Variants in ZMAT4 observed in about 807,000 individuals in gnomAD.
ZMAT4 encodes zinc finger matrin-type 4.
ZMAT4 carries 17 observed loss-of-function variants against 28.7 expected under a neutral mutation model. The observed-to-expected ratio is 0.59, with a 90% CI of 0.41 to 0.89. The LOEUF is 0.89. Among genes scored for constraint, ZMAT4 ranks in the 40% least tolerant of loss-of-function variants. The probability of loss-of-function intolerance (pLI) is 0.00; values close to 1 mark genes in which losing one functional copy is unlikely to be tolerated. For missense variants in ZMAT4, 240 were observed against 283.8 expected (o/e 0.85, Z 1.11); for synonymous variants, 117 against 109.2 (o/e 1.07, Z -0.44).
In ZMAT4 at chr8:40,855,551, C is replaced by T. The variant is rs1003827582; in HGVS notation, c.-4-29871G>A. The stretch of plus-strand genomic sequence containing the variant: ...AAACCAGGTCTCATGGAAACTGGGG[C>T]ATTTTCCCAAGCAGAATTGACCAGT... On this transcript the variant is annotated intron_variant, in intron 1 of 6. Transcript: ENST00000297737. Among the ~76,000 whole-genome samples, 5 of 152,220 alleles carry T rather than the reference C, an allele frequency of 3.3e-5. No homozygotes were observed. The East Asian group carries it at 9.7e-4, about 29-fold the overall frequency.
intron 3 of ZMAT4, among the ~76,000 whole-genome samples, chr8:40,759,146 G>A (rs1226151848): frequency 6.6e-6 from 1 of 151,948 alleles, no homozygotes; most frequent in Non-Finnish European, 1.5e-5. Flanking sequence ...GCAGGGCATG[G>A]AGGTGCGGGC....
At chr8:40,862,432 AG>A (rs1817528516) in intron 1 of ZMAT4, among the ~76,000 whole-genome samples, 3 of 40,350 alleles carry the variant, frequency 7.4e-5, no homozygotes, top group East Asian at 7.5e-4. Flanking sequence ...GGGTCGGGGG[AG>A]GGGGGAGGGA....
intron 2 of ZMAT4, among the ~76,000 whole-genome samples, chr8:40,794,596 C>T (rs1045071613): frequency 2.6e-5 from 4 of 152,190 alleles, no homozygotes; most frequent in African/African-American, 9.6e-5. Flanking sequence ...TGAAGCCCAA[C>T]AGCAGAGCAC....
rs1269394876 is a variant in ZMAT4 at position 40,581,186 on chromosome 8, T to A, written c.653A>T (p.Lys218Ile). 1 of 1,613,140 alleles carries A rather than the reference T, an allele frequency of 6.2e-7. No individual in the cohort carries two copies. Among genetic ancestry groups the A allele is most frequent in the African/African-American group, 1.3e-5 (1 of 74,884 alleles). The change falls in exon 6 of 7, where the codon AAA becomes ATA. Residue 218 changes from lysine to isoleucine, a missense_variant. Physicochemically the swap from Lys to Ile is moderately radical, Grantham distance 102 (BLOSUM62 -3). Transcript: ENST00000297737. ...CTACTTGGTCTGGTGTTTAGATCCT[T>A]TCAGATGGGCATGATACTGTTCTAT... ...NSIEQYHAHL[K>I]GSKHQTNLKN...
intron 5 of ZMAT4, among the ~76,000 whole-genome samples, chr8:40,638,520 A>G (rs1446315785): frequency 6.6e-6 from 1 of 152,248 alleles, no homozygotes; most frequent in Non-Finnish European, 1.5e-5. Context: ...CCCATTTATC[A>G]GACTCTGAGA....
At chr8:40,655,081 C>CACACACACACAG (rs1033307093) in intron 5 of ZMAT4, among the ~76,000 whole-genome samples, 3 of 151,846 alleles carry the variant, frequency 2.0e-5, no homozygotes, top group Non-Finnish European at 4.4e-5. Flanking sequence ...CACACACACA[C>CACACACACACAG]AGCACATAAA....
At position 40,651,105 on chromosome 8, in the gene ZMAT4, G is replaced by T. The variant is rs1438294924; in HGVS notation, c.577+23599C>A. ...AATTAGGCAGGAGAAGGAAATAAAG[G>T]GTATTCAGTTAGGAAAAGAGGAAGT... On this transcript the variant is annotated intron_variant, in intron 5 of 6. Transcript: ENST00000297737. Among the ~76,000 whole-genome samples, 5 of 152,002 alleles carry T rather than the reference G, an allele frequency of 3.3e-5. No homozygotes were observed. The East Asian group carries it at 5.8e-4, about 18-fold the overall frequency.
At chr8:40,614,326 C>A (rs1279492408) in intron 5 of ZMAT4, among the ~76,000 whole-genome samples, 1 of 152,122 alleles carries the variant, frequency 6.6e-6, no homozygotes, top group East Asian at 1.9e-4. Flanking sequence ...TTACCTTTTT[C>A]TTTTTCAAGT....
chr8:40,797,823 A>C (rs899788929), intron 2 of ZMAT4, among the ~76,000 whole-genome samples: 2 of 152,150 alleles, frequency 1.3e-5, no homozygotes, highest in African/African-American at 4.8e-5. Context: ...CCCCATTTTG[A>C]GGTAGCTGTG....
chr8:40,769,731 G>A (rs148395480), intron 2 of ZMAT4, among the ~76,000 whole-genome samples: 342 of 151,752 alleles, frequency 2.3e-3, no homozygotes, highest in African/African-American at 8.0e-3. Flanking sequence ...TGGATTTCCA[G>A]AGAATGAAAT....
At chr8:40,614,015 C>T (rs1585760056) in intron 5 of ZMAT4, among the ~76,000 whole-genome samples, 1 of 152,216 alleles carries the variant, frequency 6.6e-6, no homozygotes, top group East Asian at 1.9e-4. Context: ...ATAAGTGTCC[C>T]ACATACTGAG....
chr8:40,829,228 AC>A (rs1401652456), intron 1 of ZMAT4, among the ~76,000 whole-genome samples: 2 of 152,226 alleles, frequency 1.3e-5, no homozygotes, highest in Non-Finnish European at 2.9e-5. Context: ...GAAAGAAAGC[AC>A]CATCTGTACT....
chr8:40,870,504 A>G (rs1272081899), intron 1 of ZMAT4, among the ~76,000 whole-genome samples: 4 of 152,246 alleles, frequency 2.6e-5, no homozygotes, highest in Admixed American at 2.6e-4. Flanking sequence ...CAGCTTAAAA[A>G]TTAAGAAGTC....
chr8:40,852,059 G>GT (rs1441958908), intron 1 of ZMAT4, among the ~76,000 whole-genome samples: 1 of 151,896 alleles, frequency 6.6e-6, no homozygotes, highest in Non-Finnish European at 1.5e-5. Flanking sequence ...TAATTTTTGT[G>GT]TTTTTTGGTA....
chr8:40,863,130 G>C (rs940316780), intron 1 of ZMAT4, among the ~76,000 whole-genome samples: 2 of 152,160 alleles, frequency 1.3e-5, no homozygotes, highest in African/African-American at 4.8e-5. Context: ...ATAGCAAGCA[G>C]TGAGCAAGCC....
intron 5 of ZMAT4, among the ~76,000 whole-genome samples, chr8:40,639,214 A>T (rs1471835824): frequency 6.6e-6 from 1 of 152,150 alleles, no homozygotes; most frequent in African/African-American, 2.4e-5. Flanking sequence ...TAGCTTTTTA[A>T]ATTTCTTATC....
intron 2 of ZMAT4, among the ~76,000 whole-genome samples, chr8:40,803,459 G>T (rs961140219): frequency 6.6e-6 from 1 of 152,040 alleles, no homozygotes; most frequent in African/African-American, 2.4e-5. Context: ...ACCAAAGAAG[G>T]TACACAGGTG....
chr8:40,854,783 GC>G (rs1479638088), intron 1 of ZMAT4, among the ~76,000 whole-genome samples: 1 of 152,176 alleles, frequency 6.6e-6, no homozygotes, highest in Admixed American at 6.5e-5. Flanking sequence ...AAAGGCAAAA[GC>G]CCCTGCCTGG....
intron 5 of ZMAT4, among the ~76,000 whole-genome samples, chr8:40,611,994 C>A (rs933984468): frequency 3.9e-5 from 6 of 152,092 alleles, no homozygotes; most frequent in Admixed American, 3.9e-4. Context: ...TGGAGTAGTC[C>A]AGCACATGGG....
Sources: gnomAD v4.1 joint callset for allele counts (sites outside exome capture counted in the v4.1 genomes callset) on GRCh38, gnomAD v4.1.1 for gene constraint, MANE v1.5 for transcripts, NCBI Gene and HGNC (gene_info 2026-07-23, HGNC 2026-07-21) for gene names.